Variants in UMAD1 observed in about 807,000 individuals in gnomAD.
UMAD1 encodes the protein UBAP1-MVB12-associated (UMA)-domain containing protein 1.
A neutral mutation model predicts 6.1 loss-of-function variants in UMAD1; 8 were observed. The observed-to-expected ratio is 1.30, with a 90% CI of 0.76 to 2.35. The LOEUF is 2.35. Ranked by LOEUF, UMAD1 falls within the 30% of genes most tolerant of loss-of-function variation. The probability of loss-of-function intolerance (pLI) is 0.00; values close to 1 mark genes in which losing one functional copy is unlikely to be tolerated. For missense variants in UMAD1, 130 were observed against 78.4 expected (o/e 1.66, Z -2.49); for synonymous variants, 56 against 31.4 (o/e 1.78, Z -2.61).
intron 3 of UMAD1, among the ~76,000 whole-genome samples, chr7:7,849,740 T>G (rs1410660892): frequency 6.6e-6 from 1 of 152,046 alleles, no homozygotes; most frequent in Non-Finnish European, 1.5e-5. Flanking sequence ...TAAAATTACA[T>G]CAGACCATGG....
chr7:7,684,443 G>A (rs1454099100), intron 2 of UMAD1, among the ~76,000 whole-genome samples: 2 of 151,824 alleles, frequency 1.3e-5, no homozygotes, highest in African/African-American at 4.8e-5. Flanking sequence ...TTCTGGCCTT[G>A]AGTGATCCAC....
chr7:7,762,327 T>A (rs1170677426), intron 2 of UMAD1, among the ~76,000 whole-genome samples: 1 of 152,192 alleles, frequency 6.6e-6, no homozygotes, highest in African/African-American at 2.4e-5. Context: ...AAATCTTGAC[T>A]CTTGTTTAAG....
At chr7:7,721,739 A>AT (rs1419930749) in intron 2 of UMAD1, among the ~76,000 whole-genome samples, 4 of 151,930 alleles carry the variant, frequency 2.6e-5, no homozygotes, top group Non-Finnish European at 5.9e-5. Context: ...CCTCTCAGGG[A>AT]TTTTACTGAA....
chr7:7,709,544 G>T (rs74601666), intron 2 of UMAD1, among the ~76,000 whole-genome samples: 2 of 152,354 alleles, frequency 1.3e-5, no homozygotes, highest in South Asian at 4.1e-4. Flanking sequence ...AAAGTCAGGC[G>T]CTGAGCCTGC....
chr7:7,829,582 C>G (rs775485585), intron 3 of UMAD1, among the ~76,000 whole-genome samples: 4 of 152,088 alleles, frequency 2.6e-5, no homozygotes, highest in African/African-American at 7.2e-5. Flanking sequence ...TGCTTTAGGT[C>G]TCATATAATG....
At chr7:7,846,204 A>G (rs950262118) in intron 3 of UMAD1, among the ~76,000 whole-genome samples, 3 of 152,208 alleles carry the variant, frequency 2.0e-5, no homozygotes, top group Admixed American at 6.5e-5. Flanking sequence ...GCAGATTTCA[A>G]TGACACGTGT....
At chr7:7,740,521 C>A (rs1027719961) in intron 2 of UMAD1, among the ~76,000 whole-genome samples, 3 of 152,188 alleles carry the variant, frequency 2.0e-5, no homozygotes, top group Admixed American at 2.0e-4. Context: ...TAAATTATTT[C>A]AAGTATAAGT....
At chr7:7,865,316 T>C (rs959846249) in intron 3 of UMAD1, among the ~76,000 whole-genome samples, 2 of 152,126 alleles carry the variant, frequency 1.3e-5, no homozygotes, top group African/African-American at 4.8e-5. Flanking sequence ...GCGTTGGAAT[T>C]GAATTGAATT....
intron 3 of UMAD1, among the ~76,000 whole-genome samples, chr7:7,850,900 G>A (rs1783902823): frequency 6.6e-6 from 1 of 152,036 alleles, no homozygotes; most frequent in African/African-American, 2.4e-5. Flanking sequence ...TTATAGATGG[G>A]TTGCAATAAA....
chr7:7,839,415 A>C (rs10256170), intron 3 of UMAD1, among the ~76,000 whole-genome samples: 21 of 151,908 alleles, frequency 1.4e-4, no homozygotes, highest in Non-Finnish European at 2.5e-4. Flanking sequence ...GGGTCCCCCT[A>C]TGTTGCCCAG....
chr7:7,792,827 A>G (rs573949435), intron 2 of UMAD1, among the ~76,000 whole-genome samples: 44 of 152,294 alleles, frequency 2.9e-4, no homozygotes, highest in Admixed American at 2.4e-3. Context: ...GAGTCTGGTG[A>G]GGGCGCACTT....
At chr7:7,641,420 C>T (rs1563074514) in intron 1 of UMAD1, 1 of 152,316 alleles carries the variant, frequency 6.6e-6, no homozygotes, top group Non-Finnish European at 1.5e-5. Flanking sequence ...CGTGTTTTCC[C>T]CATCTGCAAA....
intron 1 of UMAD1, among the ~76,000 whole-genome samples, chr7:7,655,253 C>G (rs770618271): frequency 3.3e-5 from 5 of 152,154 alleles, no homozygotes; most frequent in Non-Finnish European, 7.4e-5. Flanking sequence ...CCCCTTCCCC[C>G]AGTACTCTTT....
chr7:7,773,940 C>A (rs1782151115), intron 2 of UMAD1, among the ~76,000 whole-genome samples: 1 of 152,170 alleles, frequency 6.6e-6, no homozygotes, highest in Admixed American at 6.5e-5. Flanking sequence ...AGAACCCTGG[C>A]TGCTGTTTCT....
At chr7:7,849,327 A>G (rs753990633) in intron 3 of UMAD1, among the ~76,000 whole-genome samples, 127 of 152,294 alleles carry the variant, frequency 8.3e-4, no homozygotes, top group Non-Finnish European at 1.1e-3. Flanking sequence ...GTACAGAAAC[A>G]TAAGGTAGCT....
intron 2 of UMAD1, among the ~76,000 whole-genome samples, chr7:7,722,157 CTATATATATA>C (rs1001676838): frequency 8.1e-6 from 1 of 122,742 alleles, no homozygotes; most frequent in Non-Finnish European, 1.8e-5. Flanking sequence ...CTCTCTCTCT[CTATATATATA>C]TATGTATATA....
intron 2 of UMAD1, among the ~76,000 whole-genome samples, chr7:7,733,571 T>A (rs538054084): frequency 1.9e-3 from 274 of 147,944 alleles, no homozygotes; most frequent in African/African-American, 6.4e-3. Flanking sequence ...CAATATATGG[T>A]AGTTATGACT....
intron 1 of UMAD1, among the ~76,000 whole-genome samples, chr7:7,663,067 A>G (rs1395504356): frequency 6.6e-6 from 1 of 152,110 alleles, no homozygotes; most frequent in East Asian, 1.9e-4. Context: ...ATAACCCAGC[A>G]CAGGCACCCA....
intron 2 of UMAD1, among the ~76,000 whole-genome samples, chr7:7,799,012 T>C (rs1782744619): frequency 6.6e-6 from 1 of 152,248 alleles, no homozygotes; most frequent in Non-Finnish European, 1.5e-5. Flanking sequence ...ATCCAAGATA[T>C]AAATTAGAGT....
Sources: gnomAD v4.1 joint callset for allele counts (sites outside exome capture counted in the v4.1 genomes callset) on GRCh38, gnomAD v4.1.1 for gene constraint, MANE v1.5 for transcripts, NCBI Gene and HGNC (gene_info 2026-07-23, HGNC 2026-07-21) for gene names.